The following SHANK2 variants were observed in gnomAD, a reference collection of about 807,000 sequenced individuals.
The protein encoded by SHANK2 is SH3 and multiple ankyrin repeat domains protein 2.
In SHANK2, 43 loss-of-function variants were observed where a neutral mutation model predicts 133.7. That is an observed-to-expected ratio of 0.32 (90% CI 0.25 to 0.41). The LOEUF is 0.41. Among genes scored for constraint, SHANK2 ranks in the 10% least tolerant of loss-of-function variants. The pLI is 1.00. For synonymous variants in SHANK2, 1,017 were observed against 952.8 expected, an observed-to-expected ratio of 1.07 and a Z score of -1.24; for missense variants, 1,994 against 2,235.8, an observed-to-expected ratio of 0.89 and a Z score of 2.18.
At chr11:71,220,742 G>A (rs61887417) in intron 2 of SHANK2, among the ~76,000 whole-genome samples, 3,382 of 152,120 alleles carry the variant, frequency 0.022, 63 homozygotes, top group Middle Eastern at 0.037. Context: ...GAGACAGAAA[G>A]TTGAATAGGG....
At position 70,479,548 on chromosome 11, in the gene SHANK2, G is replaced by A. The variant is rs1174965565; in HGVS notation, c.4979+5766C>T. Among the ~76,000 whole-genome samples the A allele has an allele frequency of 6.6e-6, 1 of 152,192 alleles. No homozygotes were observed. Among genetic ancestry groups the A allele is most frequent in the African/African-American group, 2.4e-5 (1 of 41,460 alleles). ...TCTCCCTGAAGCCCATCCATCCCAT[G>A]GGGAAGCGAAGGCCAATCTCGAGGT... is the stretch of plus-strand genomic sequence containing the variant. On this transcript the variant is annotated intron_variant, in intron 25 of 25. Transcript: ENST00000601538. The surrounding 1 kb of genome is among the most constrained non-coding windows in gnomAD (Gnocchi z 4.4).
At chr11:71,152,011 G>A (rs1590964455) in intron 2 of SHANK2, among the ~76,000 whole-genome samples, 1 of 152,224 alleles carries the variant, frequency 6.6e-6, no homozygotes, top group African/African-American at 2.4e-5. Flanking sequence ...GCCACAGCTG[G>A]TAGGTAGGAA....
In SHANK2 at chr11:70,791,015, C is replaced by G. The variant is rs1645494852; in HGVS notation, c.1777+7428G>C. Among the ~76,000 whole-genome samples, 3 of 152,284 alleles carry G rather than the reference C, an allele frequency of 2.0e-5. No homozygotes were observed. In the Middle Eastern group the frequency reaches 0.01, roughly 518 times the overall value. On this transcript the variant is annotated intron_variant, in intron 14 of 25. Coordinates refer to ENST00000601538, the MANE Select transcript of SHANK2 (RefSeq NM_012309.5). ...GGTCACATCATGGAGAAAATCAGCC[C>G]GTCTGCTGACCAGAAGAGACCACAC... is the stretch of plus-strand genomic sequence containing the variant.
intron 17 of SHANK2, among the ~76,000 whole-genome samples, chr11:70,620,792 T>A (rs548962073): frequency 3.3e-5 from 5 of 152,012 alleles, no homozygotes; most frequent in African/African-American, 7.2e-5. Flanking sequence ...TCACACACAC[T>A]CTCTCTCTCT....
At chr11:70,863,771 AG>A (rs1949302099) in intron 11 of SHANK2, 1 of 455,482 alleles carries the variant, frequency 2.2e-6, no homozygotes, top group East Asian at 7.0e-5. Flanking sequence ...TCACTCAGGT[AG>A]GTCCTCATCC....
chr11:71,063,891 G>T (rs1039074524), intron 9 of SHANK2, among the ~76,000 whole-genome samples: 6 of 152,184 alleles, frequency 3.9e-5, no homozygotes, highest in Admixed American at 1.3e-4. Flanking sequence ...GGCTCGCACT[G>T]TGCCCGCTGA....
intron 21 of SHANK2, among the ~76,000 whole-genome samples, chr11:70,493,110 C>G (rs1441448094): frequency 6.7e-6 from 1 of 149,568 alleles, no homozygotes; most frequent in Non-Finnish European, 1.5e-5. Context: ...TCACTTGATT[C>G]TTTCTAATGG....
At chr11:70,664,142 G>A (rs1231354075) in intron 15 of SHANK2, among the ~76,000 whole-genome samples, 2 of 152,170 alleles carry the variant, frequency 1.3e-5, no homozygotes, top group Non-Finnish European at 2.9e-5. Context: ...GGGTCCATGA[G>A]GCATTGATGA....
intron 17 of SHANK2, among the ~76,000 whole-genome samples, chr11:70,588,662 C>T (rs797037619): frequency 2.8e-4 from 43 of 152,270 alleles, no homozygotes; most frequent in African/African-American, 9.6e-4. Flanking sequence ...TAGCAACTTC[C>T]ATCAAGTTTA....
chr11:70,797,302 C>T (rs1404888507), intron 14 of SHANK2, among the ~76,000 whole-genome samples: 5 of 152,324 alleles, frequency 3.3e-5, no homozygotes, highest in East Asian at 1.9e-4. Context: ...CCCAGCCTTC[C>T]GAGTGGAGCA....
intron 14 of SHANK2, among the ~76,000 whole-genome samples, chr11:70,789,638 A>G (rs903956329): frequency 2.0e-5 from 3 of 152,196 alleles, no homozygotes; most frequent in Non-Finnish European, 4.4e-5. Flanking sequence ...ACGGCACAGG[A>G]CATGCCAAAA....
chr11:70,628,293 G>A (rs1407984019), intron 17 of SHANK2, among the ~76,000 whole-genome samples: 1 of 152,154 alleles, frequency 6.6e-6, no homozygotes, highest in Non-Finnish European at 1.5e-5. Flanking sequence ...AGGATCCACA[G>A]GTTAGGCTGG....
intron 14 of SHANK2, among the ~76,000 whole-genome samples, chr11:70,725,392 A>G (rs1946157760): frequency 6.6e-6 from 1 of 152,150 alleles, no homozygotes. Context: ...GGGTACTGGG[A>G]CAGGAAGGCA....
intron 14 of SHANK2, among the ~76,000 whole-genome samples, chr11:70,729,610 C>T (rs531579901): frequency 2.6e-5 from 4 of 151,336 alleles, no homozygotes; most frequent in South Asian, 2.1e-4. Context: ...CTGCAAGCTC[C>T]GCCTCCCAGG....
intron 17 of SHANK2, among the ~76,000 whole-genome samples, chr11:70,637,914 C>A (rs992206043): frequency 7.2e-5 from 11 of 152,194 alleles, no homozygotes; most frequent in African/African-American, 2.7e-4. Flanking sequence ...ACAGCTCACG[C>A]CAAGCCGGCT....
At chr11:70,853,284 C>T (rs1335927372) in intron 11 of SHANK2, among the ~76,000 whole-genome samples, 8 of 152,318 alleles carry the variant, frequency 5.3e-5, no homozygotes, top group African/African-American at 1.9e-4. Flanking sequence ...CCAGGCGTCC[C>T]GGCGCCTCCC....
intron 12 of SHANK2, among the ~76,000 whole-genome samples, chr11:70,819,076 G>A (rs1948463547): frequency 6.6e-6 from 1 of 152,236 alleles, no homozygotes; most frequent in Non-Finnish European, 1.5e-5. Context: ...GAGTGGCTTT[G>A]AGGCCAGGGA....
intron 16 of SHANK2, 108 bp downstream of exon 16, chr11:70,661,488 C>T: frequency 4.5e-6 from 5 of 1,116,082 alleles, no homozygotes; most frequent in Non-Finnish European, 6.5e-6. Flanking sequence ...GAACGTTTTT[C>T]ATGCAGGCGT....
chr11:70,575,832 T>C (rs555589933), intron 17 of SHANK2, among the ~76,000 whole-genome samples: 24 of 151,816 alleles, frequency 1.6e-4, no homozygotes, highest in East Asian at 3.9e-4. Flanking sequence ...GTGGGCTGGA[T>C]AGGGTGGAGG....
Sources: gnomAD v4.1 joint callset for allele counts (sites outside exome capture counted in the v4.1 genomes callset) on GRCh38, gnomAD v4.1.1 for gene constraint, Gnocchi (gnomAD v3.1) non-coding constraint, MANE v1.5 for transcripts, NCBI Gene and HGNC (gene_info 2026-07-23, HGNC 2026-07-21) for gene names.